Variants in CCDC85A observed in about 807,000 individuals in gnomAD.
The protein encoded by CCDC85A is coiled-coil domain containing 85A, also known as coiled-coil domain-containing protein 85A.
Under a neutral mutation model 50.2 loss-of-function variants are expected in CCDC85A, and 38 were observed. The observed-to-expected ratio is 0.76, with a 90% CI of 0.58 to 0.99. The LOEUF is 0.99. Ranked by LOEUF, CCDC85A falls within the 50% of genes least tolerant of loss-of-function variation. CCDC85A has a pLI of 0.00. For synonymous variants in CCDC85A, 366 were observed against 301.4 expected (o/e 1.21, Z -2.22); for missense variants, 820 against 742.0 (o/e 1.11, Z -1.22).
At chr2:56,337,997 A>G (rs529091676) in intron 2 of CCDC85A, among the ~76,000 whole-genome samples, 4 of 152,136 alleles carry the variant, frequency 2.6e-5, no homozygotes, top group African/African-American at 9.6e-5. Context: ...GTTGGCCAGG[A>G]TGATCTCGAC....
intron 2 of CCDC85A, among the ~76,000 whole-genome samples, chr2:56,299,183 A>G (rs1371212496): frequency 1.3e-5 from 2 of 152,168 alleles, no homozygotes; most frequent in African/African-American, 4.8e-5. Context: ...GGAAATCCTC[A>G]GCTCCTGGCC....
At chr2:56,282,570 C>T (rs915296498) in intron 2 of CCDC85A, among the ~76,000 whole-genome samples, 6 of 152,182 alleles carry the variant, frequency 3.9e-5, no homozygotes, top group Non-Finnish European at 7.3e-5. Context: ...AGTGCAATGG[C>T]GCGATCTCGG....
intron 2 of CCDC85A, among the ~76,000 whole-genome samples, chr2:56,272,519 A>G (rs1458488811): frequency 1.3e-5 from 2 of 152,160 alleles, no homozygotes; most frequent in Non-Finnish European, 2.9e-5. Flanking sequence ...ATCACCTCCC[A>G]TTCTTTTCTT....
Position 56,269,566 on chromosome 2 carries a change from G to A in CCDC85A, c.1241-73313G>A, listed in dbSNP as rs780015428. The stretch of plus-strand genomic sequence containing the variant: ...ACAGTAAATTTGTCTTTGCTAACAC[G>A]TATTGAGGATTCATCAAATTCTCCA... On this transcript the variant is annotated intron_variant, in intron 2 of 5. Transcript: ENST00000407595. Among the ~76,000 whole-genome samples, 6 of 152,042 alleles carry A rather than the reference G, an allele frequency of 3.9e-5. No individual in the cohort carries two copies. The South Asian group carries it at 6.2e-4, about 16-fold the overall frequency.
chr2:56,339,164 A>G (rs1011230419), intron 2 of CCDC85A, among the ~76,000 whole-genome samples: 5 of 152,218 alleles, frequency 3.3e-5, no homozygotes, highest in Admixed American at 2.0e-4. Flanking sequence ...TGCCTGACAC[A>G]AATCAGTGAC....
chr2:56,312,578 C>CT (rs1672744853), intron 2 of CCDC85A, among the ~76,000 whole-genome samples: 1 of 151,998 alleles, frequency 6.6e-6, no homozygotes, highest in South Asian at 2.1e-4. Context: ...TTTATTTTTG[C>CT]TTTTATGACA....
intron 3 of CCDC85A, among the ~76,000 whole-genome samples, chr2:56,359,006 G>T (rs937410235): frequency 2.0e-4 from 29 of 146,170 alleles, no homozygotes; most frequent in Non-Finnish European, 3.0e-5. Flanking sequence ...GTTTCACTGT[G>T]TTGGCCAGGC....
At chr2:56,233,426 A>T (rs1668862119) in intron 2 of CCDC85A, among the ~76,000 whole-genome samples, 1 of 152,160 alleles carries the variant, frequency 6.6e-6, no homozygotes, top group Non-Finnish European at 1.5e-5. Context: ...GGCATGCTCA[A>T]ATTAGACAGT....
At chr2:56,213,790 A>T (rs1677277416) in intron 2 of CCDC85A, among the ~76,000 whole-genome samples, 1 of 152,026 alleles carries the variant, frequency 6.6e-6, no homozygotes, top group African/African-American at 2.4e-5. Context: ...CCTTGCCTCA[A>T]CTCAGGCATA....
At chr2:56,259,291 C>G (rs1025719533) in intron 2 of CCDC85A, among the ~76,000 whole-genome samples, 2 of 152,134 alleles carry the variant, frequency 1.3e-5, no homozygotes. Context: ...TTCCTAGAGG[C>G]TGGCCTATTG....
chr2:56,259,171 C>G (rs1670113656), intron 2 of CCDC85A, among the ~76,000 whole-genome samples: 2 of 152,180 alleles, frequency 1.3e-5, no homozygotes, highest in South Asian at 4.1e-4. Flanking sequence ...AGGAACTTGA[C>G]AGAAACAGGA....
intron 2 of CCDC85A, among the ~76,000 whole-genome samples, chr2:56,274,307 A>G (rs1670829796): frequency 6.6e-6 from 1 of 152,108 alleles, no homozygotes; most frequent in Non-Finnish European, 1.5e-5. Context: ...TGTGTGTATT[A>G]TATATATAGT....
chr2:56,362,512 A>G (rs150160479), intron 3 of CCDC85A, among the ~76,000 whole-genome samples: 1 of 152,234 alleles, frequency 6.6e-6, no homozygotes, highest in Non-Finnish European at 1.5e-5. Flanking sequence ...TGTGGACTGT[A>G]TCCTGGATAC....
chr2:56,254,918 A>G (rs1488869788), intron 2 of CCDC85A, among the ~76,000 whole-genome samples: 1 of 152,208 alleles, frequency 6.6e-6, no homozygotes, highest in Middle Eastern at 3.2e-3. Context: ...AGAACACATG[A>G]ACCCCTTGAT....
intron 2 of CCDC85A, among the ~76,000 whole-genome samples, chr2:56,265,660 A>T (rs1670408093): frequency 6.6e-6 from 1 of 152,144 alleles, no homozygotes; most frequent in Non-Finnish European, 1.5e-5. Flanking sequence ...GTTGGTGAGG[A>T]TGTGGAGAAA....
intron 2 of CCDC85A, among the ~76,000 whole-genome samples, chr2:56,268,397 A>G (rs1156533532): frequency 6.6e-6 from 1 of 152,148 alleles, no homozygotes; most frequent in Non-Finnish European, 1.5e-5. Flanking sequence ...GATCGAGACC[A>G]TTGTGGCTAA....
chr2:56,367,117 A>G lies in CCDC85A; in HGVS notation c.1318-5227A>G, dbSNP rs75506130. On this transcript the variant is annotated intron_variant, in intron 3 of 5. Transcript: ENST00000407595. ...AATTTCCACAGAGCCCCTTCTGCCA[A>G]TTGTATTCTCTATGTGGGACTGGTG... Among the ~76,000 whole-genome samples the G allele has an allele frequency of 3.2e-3, 490 of 152,112 alleles. 15 individuals are homozygous for G. The East Asian group carries it at 0.063, about 19-fold the overall frequency.
chr2:56,233,890 T>A (rs754129546), intron 2 of CCDC85A, among the ~76,000 whole-genome samples: 54 of 152,254 alleles, frequency 3.5e-4, no homozygotes, highest in East Asian at 1.9e-4. Context: ...GCAGTCTGGG[T>A]GGATAAAAGA....
At chr2:56,336,588 T>C (rs1211478286) in intron 2 of CCDC85A, among the ~76,000 whole-genome samples, 1 of 152,234 alleles carries the variant, frequency 6.6e-6, no homozygotes, top group Non-Finnish European at 1.5e-5. Flanking sequence ...GTGACAAACC[T>C]TAGACAGTTG....
Sources: gnomAD v4.1 joint callset for allele counts (sites outside exome capture counted in the v4.1 genomes callset) on GRCh38, gnomAD v4.1.1 for gene constraint, MANE v1.5 for transcripts, NCBI Gene and HGNC (gene_info 2026-07-23, HGNC 2026-07-21) for gene names.